Variants in SAMD12 observed in about 807,000 individuals in gnomAD.
The protein encoded by SAMD12 is sterile alpha motif domain-containing protein 12.
Under a neutral mutation model 15.0 loss-of-function variants are expected in SAMD12, and 9 were observed. The observed-to-expected ratio is 0.60, with a 90% CI of 0.36 to 1.05. The LOEUF (loss-of-function observed/expected upper bound fraction) is 1.05. Ranked by LOEUF, SAMD12 falls within the 50% of genes least tolerant of loss-of-function variation. SAMD12 has a pLI of 0.01. For missense variants in SAMD12, 230 were observed against 234.2 expected (o/e 0.98, Z 0.12); for synonymous variants, 86 against 90.1 (o/e 0.96, Z 0.25).
intron 1 of SAMD12, among the ~76,000 whole-genome samples, chr8:118,586,344 C>CTTTTTTTT (rs869191799): frequency 1.4e-5 from 2 of 139,904 alleles, no homozygotes; most frequent in African/African-American, 5.3e-5. Context: ...CTTTTTCTTT[C>CTTTTTTTT]TTTTTTTTTT....
intron 3 of SAMD12, among the ~76,000 whole-genome samples, chr8:118,425,778 T>C (rs1407997665): frequency 6.6e-6 from 1 of 152,210 alleles, no homozygotes; most frequent in Non-Finnish European, 1.5e-5. Context: ...AGTCCTTTGC[T>C]ATAAAGGCTT....
chr8:118,606,164 G>A (rs1490648043), intron 1 of SAMD12, among the ~76,000 whole-genome samples: 1 of 152,042 alleles, frequency 6.6e-6, no homozygotes, highest in Non-Finnish European at 1.5e-5. Flanking sequence ...CCAAGATCTT[G>A]GCCCTAGTCT....
Position 118,379,360 on chromosome 8 carries a change from AT to A in SAMD12, c.*56del. 1 of 1,570,740 alleles carries A rather than the reference AT, an allele frequency of 6.4e-7. No individual in the cohort carries two copies. The highest frequency in any genetic ancestry group is 1.3e-5 in the African/African-American group (1 of 74,196). ...AATTCTGTTTGCTCATCCATTACTT[AT>A]TTGTGCATCCTTCTCCCTAGTGAGC... is the stretch of plus-strand genomic sequence containing the variant. On this transcript the variant is annotated 3_prime_UTR_variant, in exon 4 of 4. Transcript: ENST00000314727.
intron 4 of SAMD12, among the ~76,000 whole-genome samples, chr8:118,365,952 C>T (rs1220206413): frequency 1.3e-5 from 2 of 152,244 alleles, no homozygotes; most frequent in Non-Finnish European, 2.9e-5. Flanking sequence ...CCATTCATAT[C>T]AGCCACCATG....
downstream of SAMD12, among the ~76,000 whole-genome samples, chr8:118,375,340 C>G (rs562190488): frequency 3.5e-4 from 54 of 152,206 alleles, no homozygotes; most frequent in African/African-American, 1.2e-3. Flanking sequence ...CCTCTTCATC[C>G]TCTCTTATAC....
chr8:118,459,072 GT>G (rs35462671), intron 2 of SAMD12, among the ~76,000 whole-genome samples: 107,505 of 149,760 alleles, frequency 0.72, 38,703 homozygotes, highest in African/African-American at 0.8. Context: ...TCAAACAATT[GT>G]TTTTTTTTTG....
At chr8:118,494,355 G>A (rs1824539519) in intron 2 of SAMD12, among the ~76,000 whole-genome samples, 1 of 152,110 alleles carries the variant, frequency 6.6e-6, no homozygotes, top group South Asian at 2.1e-4. Flanking sequence ...CTATGTGTGT[G>A]GCAATTTGTT....
chr8:118,221,017 TA>T (rs1025982676), intron 4 of SAMD12, among the ~76,000 whole-genome samples: 16 of 148,774 alleles, frequency 1.1e-4, no homozygotes, highest in African/African-American at 2.0e-4. Flanking sequence ...GTATGATTTC[TA>T]AAAAAAAAAT....
intron 2 of SAMD12, among the ~76,000 whole-genome samples, 190 bp from the exon 3 acceptor site, chr8:118,440,151 G>A (rs1822697663): frequency 6.6e-6 from 1 of 152,148 alleles, no homozygotes; most frequent in African/African-American, 2.4e-5. Context: ...GGTCCAGGTG[G>A]AGAAGCTGTG....
exon 5 of SAMD12, chr8:118,194,072 A>T (rs145574649): frequency 5.3e-5 from 8 of 152,310 alleles, no homozygotes; most frequent in African/African-American, 1.9e-4. Context: ...CCTATGCAAA[A>T]TCAATTATGT....
At chr8:118,202,993 T>C (rs1372348742) in intron 4 of SAMD12, among the ~76,000 whole-genome samples, 1 of 152,220 alleles carries the variant, frequency 6.6e-6, no homozygotes, top group Non-Finnish European at 1.5e-5. Context: ...GGATTCATTA[T>C]TCCTGTAATT....
intron 4 of SAMD12, among the ~76,000 whole-genome samples, chr8:118,212,339 A>G (rs1811853700): frequency 6.6e-6 from 1 of 152,124 alleles, no homozygotes; most frequent in Admixed American, 6.5e-5. Flanking sequence ...GAGAAAGAAA[A>G]AAAAGATGCT....
chr8:118,531,143 A>G (rs1355165831), intron 2 of SAMD12, among the ~76,000 whole-genome samples: 2 of 152,336 alleles, frequency 1.3e-5, no homozygotes, highest in East Asian at 1.9e-4. Flanking sequence ...AGCTTTCTAC[A>G]TATGGCTAGC....
intron 2 of SAMD12, among the ~76,000 whole-genome samples, chr8:118,519,913 T>A (rs1825344370): frequency 6.6e-6 from 1 of 152,238 alleles, no homozygotes; most frequent in South Asian, 2.1e-4. Context: ...TAAGAGTACC[T>A]TTAAGCTCAG....
intron 4 of SAMD12, among the ~76,000 whole-genome samples, chr8:118,266,595 GGTCA>G (rs1813204723): frequency 6.6e-6 from 1 of 152,030 alleles, no homozygotes; most frequent in East Asian, 1.9e-4. Flanking sequence ...ACCAAGTGTT[GGTCA>G]GTGAGGAACA....
intron 3 of SAMD12, among the ~76,000 whole-genome samples, chr8:118,385,565 A>G (rs926646881): frequency 1.6e-4 from 24 of 152,126 alleles, no homozygotes; most frequent in Non-Finnish European, 1.2e-4. Flanking sequence ...GTACATGTAT[A>G]TGTATATGTG....
At chr8:118,580,651 C>G (rs1827269185) in intron 2 of SAMD12, 64 bp downstream of exon 2, 1 of 1,181,466 alleles carries the variant, frequency 8.5e-7, no homozygotes. Flanking sequence ...TTCTCTGTAG[C>G]TGGACTACAA....
intron 2 of SAMD12, among the ~76,000 whole-genome samples, chr8:118,441,036 A>T (rs1822744636): frequency 6.6e-6 from 1 of 152,040 alleles, no homozygotes; most frequent in Non-Finnish European, 1.5e-5. Flanking sequence ...CTTCTCTATC[A>T]AATCTTTCAG....
intron 4 of SAMD12, among the ~76,000 whole-genome samples, chr8:118,308,649 A>AT (rs1815465701): frequency 6.6e-6 from 1 of 152,048 alleles, no homozygotes; most frequent in Non-Finnish European, 1.5e-5. Context: ...GATGTTACTT[A>AT]TTTTTCAGGC....
Sources: gnomAD v4.1 joint callset for allele counts (sites outside exome capture counted in the v4.1 genomes callset) on GRCh38, gnomAD v4.1.1 for gene constraint, MANE v1.5 for transcripts, NCBI Gene and HGNC (gene_info 2026-07-23, HGNC 2026-07-21) for gene names.